Variants in ADAM22 observed in about 807,000 individuals in gnomAD.
The protein encoded by ADAM22 is ADAM metallopeptidase domain 22, also known as disintegrin and metalloproteinase domain-containing protein 22.
ADAM22 carries 65 observed loss-of-function variants against 144.6 expected under a neutral mutation model. That is an observed-to-expected ratio of 0.45 (90% CI 0.37 to 0.55). The LOEUF (loss-of-function observed/expected upper bound fraction) is 0.55. Ranked by LOEUF, ADAM22 falls within the 20% of genes least tolerant of loss-of-function variation. The probability of loss-of-function intolerance (pLI) is 0.00; values close to 1 mark genes in which losing one functional copy is unlikely to be tolerated. For missense variants in ADAM22, 974 were observed against 1,184.9 expected (o/e 0.82, Z 2.61); for synonymous variants, 391 against 412.6 (o/e 0.95, Z 0.63).
chr7:88,139,968 G>A (rs1335959990), intron 14 of ADAM22, among the ~76,000 whole-genome samples: 1 of 152,168 alleles, frequency 6.6e-6, no homozygotes, highest in Admixed American at 6.5e-5. Context: ...TCACAGTTCT[G>A]CAGGCTGTAC....
chr7:88,088,495 A>T (rs1351279693), intron 4 of ADAM22, among the ~76,000 whole-genome samples: 3 of 111,542 alleles, frequency 2.7e-5, no homozygotes, highest in Admixed American at 2.2e-4. Context: ...TCCCCAGTGA[A>T]TGTGTCAATG....
intron 3 of ADAM22, among the ~76,000 whole-genome samples, chr7:88,019,222 T>C (rs975723153): frequency 6.6e-6 from 1 of 152,104 alleles, no homozygotes; most frequent in Non-Finnish European, 1.5e-5. Flanking sequence ...ACCTGTAATC[T>C]CAGCATTTTG....
In ADAM22 at chr7:88,152,181, T is replaced by A. The variant is rs78797249; in HGVS notation, c.1681+861T>A. On this transcript the variant is annotated intron_variant, in intron 20 of 31. Transcript: ENST00000413139. ...GTTTGTACTCCGAAAAAAGATATCA[T>A]TTTTGTTTTATCCACTTGAGCAAAA... Among the ~76,000 whole-genome samples, 1,322 of 152,330 alleles carry A rather than the reference T, an allele frequency of 8.7e-3. 13 individuals are homozygous for A. The highest frequency in any genetic ancestry group is 0.015 in the Non-Finnish European group (1,050 of 68,028).
At chr7:88,021,131 A>T (rs1165605214) in intron 3 of ADAM22, among the ~76,000 whole-genome samples, 3 of 152,188 alleles carry the variant, frequency 2.0e-5, no homozygotes, top group African/African-American at 7.2e-5. Flanking sequence ...GAAGGCAGGG[A>T]ACTCTTTGCT....
intron 4 of ADAM22, among the ~76,000 whole-genome samples, chr7:88,099,623 G>A (rs1822377474): frequency 6.6e-6 from 1 of 152,122 alleles, no homozygotes; most frequent in African/African-American, 2.4e-5. Context: ...ATATTACTGA[G>A]TAATCTTTCA....
chr7:88,070,342 A>T (rs1259088696), intron 3 of ADAM22, among the ~76,000 whole-genome samples: 4 of 152,262 alleles, frequency 2.6e-5, no homozygotes, highest in South Asian at 4.1e-4. Context: ...TGAGGCCCTT[A>T]ATAGTTTTCG....
chr7:88,148,075 A>C (rs180823402), intron 17 of ADAM22, among the ~76,000 whole-genome samples: 4 of 152,162 alleles, frequency 2.6e-5, no homozygotes, highest in African/African-American at 9.7e-5. Flanking sequence ...ATTGGAGTTT[A>C]TAGTGGGCAG....
chr7:88,002,499 C>T (rs182034208), intron 3 of ADAM22, among the ~76,000 whole-genome samples: 11 of 152,200 alleles, frequency 7.2e-5, no homozygotes, highest in African/African-American at 1.9e-4. Context: ...TCAGGGAATA[C>T]GATGCCACAA....
intron 3 of ADAM22, among the ~76,000 whole-genome samples, chr7:88,060,781 A>C (rs1350911288): frequency 1.3e-5 from 2 of 149,450 alleles, no homozygotes; most frequent in African/African-American, 2.5e-5. Flanking sequence ...AAAAAAAAAA[A>C]CAAAAAACAC....
intron 3 of ADAM22, among the ~76,000 whole-genome samples, chr7:87,999,987 T>TAA (rs201224958): frequency 5.3e-5 from 7 of 132,082 alleles, no homozygotes; most frequent in East Asian, 2.1e-4. Context: ...AGCACATCTC[T>TAA]AAAAAAAAAA....
chr7:88,052,758 C>T (rs1214465660), intron 3 of ADAM22, among the ~76,000 whole-genome samples: 1 of 152,110 alleles, frequency 6.6e-6, no homozygotes, highest in Non-Finnish European at 1.5e-5. Flanking sequence ...TTAACTTTCC[C>T]ATGTCCTTCC....
intron 4 of ADAM22, among the ~76,000 whole-genome samples, chr7:88,098,074 G>T (rs533861003): frequency 2.6e-5 from 4 of 152,202 alleles, no homozygotes; most frequent in African/African-American, 9.6e-5. Context: ...TCTGATATTT[G>T]TTATATTAGT....
intron 5 of ADAM22, among the ~76,000 whole-genome samples, chr7:88,113,694 A>AT (rs1491218194): frequency 6.2e-4 from 40 of 64,500 alleles, no homozygotes; most frequent in African/African-American, 3.1e-3. Flanking sequence ...TATTATAAAT[A>AT]AATAAATAAA....
At chr7:87,976,746 T>C (rs1013486754) in intron 2 of ADAM22, among the ~76,000 whole-genome samples, 1 of 152,052 alleles carries the variant, frequency 6.6e-6, no homozygotes. Context: ...GCTTTTGAAC[T>C]AAAGAGCAGA....
intron 3 of ADAM22, among the ~76,000 whole-genome samples, chr7:88,042,500 A>G (rs1300771807): frequency 6.6e-6 from 1 of 152,038 alleles, no homozygotes; most frequent in Non-Finnish European, 1.5e-5. Context: ...AATCTTTTGT[A>G]TATTTATTCA....
In ADAM22 at chr7:88,047,821, G is replaced by A. The variant is rs140626108; in HGVS notation, c.324-27805G>A. On this transcript the variant is annotated intron_variant, in intron 3 of 31. Transcript: ENST00000413139. Reference sequence around the variant, plus strand: ...CCATGATTAGATTACACGTATGCAGGGCACTGAATTTATAAGTAAATGGAT... The same window carrying A: ...CCATGATTAGATTACACGTATGCAGAGCACTGAATTTATAAGTAAATGGAT... Among the ~76,000 whole-genome samples the A allele has an allele frequency of 4.9e-3, 748 of 151,628 alleles. 10 individuals are homozygous for A. Among genetic ancestry groups the A allele is most frequent in the African/African-American group, 0.017 (705 of 41,350 alleles).
chr7:88,129,754 A>C (rs1831297534), intron 9 of ADAM22, among the ~76,000 whole-genome samples: 1 of 152,098 alleles, frequency 6.6e-6, no homozygotes, highest in Non-Finnish European at 1.5e-5. Context: ...TGGCCTGTCT[A>C]AGGGGAGCAA....
chr7:88,195,980 C>T (rs780237418), intron 31 of ADAM22, among the ~76,000 whole-genome samples: 2 of 152,076 alleles, frequency 1.3e-5, no homozygotes, highest in South Asian at 2.1e-4. Context: ...AATATTCTTA[C>T]GCCTGAGTCC....
At chr7:88,136,123 T>A in intron 14 of ADAM22, 92 bp downstream of exon 14, 1 of 1,117,480 alleles carries the variant, frequency 8.9e-7, no homozygotes. Flanking sequence ...ACTTAGTGCA[T>A]GGAATCTAGC....
Sources: allele counts gnomAD v4.1 joint callset (sites outside exome capture counted in the v4.1 genomes callset), GRCh38; gene constraint gnomAD v4.1.1; transcripts MANE v1.5; gene names NCBI Gene and HGNC (gene_info 2026-07-23, HGNC 2026-07-21).